Variants in MAD1L1 observed in about 807,000 individuals in gnomAD.
The protein encoded by MAD1L1 is mitotic arrest deficient 1 like 1, also known as mitotic spindle assembly checkpoint protein MAD1.
MAD1L1 carries 95 observed loss-of-function variants against 96.9 expected under a neutral mutation model. The observed-to-expected ratio is 0.98, with a 90% confidence interval of 0.83 to 1.16. The LOEUF (loss-of-function observed/expected upper bound fraction) is 1.16. Ranked by LOEUF, MAD1L1 falls within the 50% of genes most tolerant of loss-of-function variation. MAD1L1 has a pLI of 0.00. For synonymous variants in MAD1L1, 473 were observed against 396.6 expected, an observed-to-expected ratio of 1.19 and a Z score of -2.29; for missense variants, 1,007 against 954.4, an observed-to-expected ratio of 1.06 and a Z score of -0.73.
At chr7:2,013,922 T>C (rs1250778200) in intron 13 of MAD1L1, among the ~76,000 whole-genome samples, 1 of 152,122 alleles carries the variant, frequency 6.6e-6, no homozygotes, top group African/African-American at 2.4e-5. Context: ...CGGTGGCCCA[T>C]GGGGCAGGGA....
chr7:2,146,858 C>A lies in MAD1L1; in HGVS notation c.1073+2294G>T, dbSNP rs1425975474. 6.6e-6 allele frequency among the ~76,000 whole-genome samples: 1 copy of A among 152,206 alleles called. No homozygotes were observed. The highest frequency in any genetic ancestry group is 1.5e-5 in the Non-Finnish European group (1 of 68,036). On this transcript the variant is annotated intron_variant, in intron 11 of 18. Coordinates refer to ENST00000265854, the MANE Select transcript of MAD1L1 (RefSeq NM_001013836.2). The surrounding 1 kb of genome is among the most constrained non-coding windows in gnomAD (Gnocchi z 6.2). The stretch of plus-strand genomic sequence containing the variant: ...GGCTCCCTGACCCCGCCACGGCAGG[C>A]CGCGACGAACACGGTGTCCCGCCAC...
Position 2,210,785 on chromosome 7 carries a change from G to A in MAD1L1, c.986+2427C>T, listed in dbSNP as rs1639913. ...TACCAGGCCCACAGCCAAGGCCAACGCAGGAGACTAGGGGTCGACCCCCAC... is the reference window on the plus strand; with the variant it reads ...TACCAGGCCCACAGCCAAGGCCAACACAGGAGACTAGGGGTCGACCCCCAC... On this transcript the variant is annotated intron_variant, in intron 10 of 18. Transcript: ENST00000265854. Among the ~76,000 whole-genome samples, 993 of 152,348 alleles carry A rather than the reference G, an allele frequency of 6.5e-3. 11 individuals are homozygous for A. Among genetic ancestry groups the A allele is most frequent in the African/African-American group, 0.022 (922 of 41,584 alleles).
In MAD1L1 at chr7:2,069,312, T is replaced by C. The variant is rs1451397159; in HGVS notation, c.1100A>G (p.Gln367Arg). The change falls in exon 12 of 19, where the codon CAG (glutamine) becomes CGG (arginine). Residue 367 changes from glutamine (Q) to arginine (R), a missense_variant. By Grantham distance (43) the Gln-to-Arg change is conservative. Coordinates refer to ENST00000265854, the MANE Select transcript of MAD1L1 (RefSeq NM_001013836.2). The stretch of plus-strand genomic sequence containing the variant: ...CTGCCGGAGCTCCTCCTGCAGCTGC[T>C]GCCTGGCCTTCTCCAGCCCCCGGGC... ...SSARGLEKARQQLQEELRQVS... is the reference protein window; with the variant it reads ...SSARGLEKARRQLQEELRQVS... 4 of 1,606,352 alleles carry C rather than the reference T, an allele frequency of 2.5e-6. No individual in the cohort carries two copies. The highest frequency in any genetic ancestry group is 3.4e-6 in the Non-Finnish European group (4 of 1,178,402).
At chr7:2,015,843 G>C (rs1782515824) in intron 12 of MAD1L1, among the ~76,000 whole-genome samples, 1 of 152,240 alleles carries the variant, frequency 6.6e-6, no homozygotes, top group Admixed American at 6.5e-5. Flanking sequence ...GGGTGGGCCT[G>C]GGAATCTGCC....
At chr7:2,184,999 T>A (rs954393370) in intron 10 of MAD1L1, among the ~76,000 whole-genome samples, 8 of 152,082 alleles carry the variant, frequency 5.3e-5, no homozygotes, top group Non-Finnish European at 1.0e-4. Context: ...TGAAACTCCA[T>A]CTCAAAAAAT....
At chr7:1,917,399 G>A (rs1432503067) in intron 17 of MAD1L1, among the ~76,000 whole-genome samples, 2 of 152,170 alleles carry the variant, frequency 1.3e-5, no homozygotes, top group Admixed American at 6.5e-5. Context: ...CCGAGACAGG[G>A]CTGGGTGCCC....
chr7:2,174,298 A>C (rs902181558), intron 10 of MAD1L1, among the ~76,000 whole-genome samples: 1 of 152,212 alleles, frequency 6.6e-6, no homozygotes, highest in African/African-American at 2.4e-5. Flanking sequence ...AGAAGCACAA[A>C]GCCATCCTGA....
At chr7:2,067,527 C>T (rs576368438) in intron 12 of MAD1L1, among the ~76,000 whole-genome samples, 6 of 152,302 alleles carry the variant, frequency 3.9e-5, no homozygotes, top group African/African-American at 1.4e-4. Context: ...AGTGTCGCCC[C>T]CTCTGCTTCC....
At chr7:1,827,611 T>G (rs7798863) in intron 18 of MAD1L1, among the ~76,000 whole-genome samples, 1,100 of 82,262 alleles carry the variant, frequency 0.013, 137 homozygotes, top group African/African-American at 0.019. Context: ...GGGTGTGGGG[T>G]CCTCCCCTCC....
chr7:2,139,035 C>T (rs1788892887), intron 11 of MAD1L1, among the ~76,000 whole-genome samples: 1 of 152,164 alleles, frequency 6.6e-6, no homozygotes. Flanking sequence ...GCAGGACAAG[C>T]GGTCTTCCTC....
intron 16 of MAD1L1, among the ~76,000 whole-genome samples, chr7:1,944,797 G>C (rs1434624542): frequency 1.3e-5 from 2 of 152,188 alleles, no homozygotes; most frequent in African/African-American, 4.8e-5. Context: ...GCAGGACCAG[G>C]TGACGTCAGG....
chr7:2,131,407 G>A (rs1788504139), intron 11 of MAD1L1, among the ~76,000 whole-genome samples: 2 of 152,214 alleles, frequency 1.3e-5, no homozygotes, highest in Admixed American at 6.5e-5. Flanking sequence ...CAGTAAAATT[G>A]GCAGAGCATG....
At chr7:2,171,873 C>T (rs979507975) in intron 10 of MAD1L1, among the ~76,000 whole-genome samples, 9 of 152,226 alleles carry the variant, frequency 5.9e-5, no homozygotes, top group African/African-American at 2.2e-4. Context: ...TGAGACCACG[C>T]AGCCCAAGAC....
chr7:1,851,353 C>T (rs570301935), intron 18 of MAD1L1, among the ~76,000 whole-genome samples: 12 of 152,330 alleles, frequency 7.9e-5, no homozygotes, highest in East Asian at 1.9e-4. Context: ...TCTGCACGTT[C>T]GTCCTGGAGA....
chr7:2,011,133 C>T (rs1782282148), intron 13 of MAD1L1, among the ~76,000 whole-genome samples: 2 of 152,116 alleles, frequency 1.3e-5, no homozygotes, highest in South Asian at 2.1e-4. Context: ...ATGGCGGCCC[C>T]CCACCCCCCG....
At chr7:1,864,048 G>A (rs879261131) in intron 18 of MAD1L1, among the ~76,000 whole-genome samples, 34 of 152,248 alleles carry the variant, frequency 2.2e-4, no homozygotes, top group Non-Finnish European at 3.7e-4. Flanking sequence ...AGCCGAGATC[G>A]CGCCACTGCA....
intron 15 of MAD1L1, among the ~76,000 whole-genome samples, chr7:1,970,522 C>T (rs890030551): frequency 4.6e-5 from 7 of 151,786 alleles, no homozygotes; most frequent in South Asian, 2.1e-4. Flanking sequence ...TTAGTAGAGA[C>T]GGGGTTTCGC....
At chr7:2,183,643 A>G (rs1320835780) in intron 10 of MAD1L1, among the ~76,000 whole-genome samples, 1 of 152,138 alleles carries the variant, frequency 6.6e-6, no homozygotes, top group Non-Finnish European at 1.5e-5. Flanking sequence ...TCAGCAAACT[A>G]TCACAAGGAC....
intron 16 of MAD1L1, among the ~76,000 whole-genome samples, chr7:1,944,643 G>A (rs1331128828): frequency 6.6e-6 from 1 of 152,162 alleles, no homozygotes; most frequent in Non-Finnish European, 1.5e-5. Flanking sequence ...TGAGGCTGAA[G>A]GGGATCCCTG....
Sources: allele counts gnomAD v4.1 joint callset (sites outside exome capture counted in the v4.1 genomes callset), GRCh38; gene constraint gnomAD v4.1.1; non-coding constraint Gnocchi (gnomAD v3.1); transcripts MANE v1.5; gene names NCBI Gene and HGNC (gene_info 2026-07-23, HGNC 2026-07-21).